Variants in KIF26B observed in about 807,000 individuals in gnomAD.
KIF26B encodes the protein kinesin family member 26B, also known as kinesin-like protein KIF26B.
KIF26B carries 63 observed loss-of-function variants against 151.2 expected under a neutral mutation model. The observed-to-expected ratio is 0.42, with a 90% CI of 0.34 to 0.51. The LOEUF (loss-of-function observed/expected upper bound fraction) is 0.51. Ranked by LOEUF, KIF26B falls within the 20% of genes least tolerant of loss-of-function variation. The pLI is 0.07. For missense variants in KIF26B, 2,813 were observed against 2,913.6 expected (o/e 0.97, Z 0.79); for synonymous variants, 1,357 against 1,262.1 (o/e 1.08, Z -1.59).
At chr1:245,469,432 A>AT (rs1443847320) in intron 4 of KIF26B, among the ~76,000 whole-genome samples, 1 of 152,248 alleles carries the variant, frequency 6.6e-6, no homozygotes, top group Non-Finnish European at 1.5e-5. Context: ...ATTATAAAAA[A>AT]AGATGGGGGT....
At chr1:245,480,865 C>T (rs976520493) in intron 4 of KIF26B, among the ~76,000 whole-genome samples, 1 of 151,242 alleles carries the variant, frequency 6.6e-6, no homozygotes, top group African/African-American at 2.4e-5. Context: ...GTGAAAGGGA[C>T]CACAGAGGTC....
Position 245,520,596 on chromosome 1 carries a change from CCAT to C in KIF26B, c.1167-20169_1167-20167del, listed in dbSNP as rs1558197311. On this transcript the variant is annotated intron_variant, in intron 4 of 14. Transcript: ENST00000407071. Reference sequence around the variant, plus strand: ...TCCATCCATCCATCCATCCATCCATCCATCCACCCACCCACCCATCCATCCATC... The same window carrying C: ...TCCATCCATCCATCCATCCATCCATCCCACCCACCCACCCATCCATCCATC... Among the ~76,000 whole-genome samples the C allele has an allele frequency of 8.3e-3, 1,018 of 122,076 alleles. 9 individuals carry two copies. Among genetic ancestry groups the C allele is most frequent in the Non-Finnish European group, 0.011 (609 of 56,416 alleles). The allele number at this position is 122,076 out of a possible 152,430, so 80.1% of individuals were successfully genotyped here. A position where few individuals can be genotyped will look rare whatever the true frequency, so the allele number is the denominator to read the frequency against.
At chr1:245,159,340 A>G (rs1429068235) in intron 2 of KIF26B, among the ~76,000 whole-genome samples, 1 of 152,216 alleles carries the variant, frequency 6.6e-6, no homozygotes, top group Non-Finnish European at 1.5e-5. Flanking sequence ...AGGAACCTTA[A>G]TATTTTAGGA....
chr1:245,565,806 C>G (rs1327463034), intron 5 of KIF26B, among the ~76,000 whole-genome samples: 3 of 152,132 alleles, frequency 2.0e-5, no homozygotes, highest in South Asian at 2.1e-4. Context: ...ATACCTAAGG[C>G]TGGGTAATTT....
At chr1:245,309,262 C>T (rs1256222935) in intron 2 of KIF26B, among the ~76,000 whole-genome samples, 1 of 152,062 alleles carries the variant, frequency 6.6e-6, no homozygotes, top group African/African-American at 2.4e-5. Flanking sequence ...CCGCGGGATG[C>T]CCAGATATTT....
chr1:245,290,878 C>T lies in KIF26B; in HGVS notation c.466-75956C>T, dbSNP rs536219918. The stretch of plus-strand genomic sequence containing the variant: ...TGTCTTAAAACAGCAGCTATTTAGC[C>T]ATGATTCTGCAGACTAGCAGTTTAG... On this transcript the variant is annotated intron_variant, in intron 2 of 14. Transcript: ENST00000407071. Among the ~76,000 whole-genome samples the T allele has an allele frequency of 3.9e-5, 6 of 152,360 alleles. No individual in the cohort carries two copies. In the South Asian group the frequency reaches 8.3e-4, roughly 21 times the overall value.
At chr1:245,160,005 G>A (rs1191562118) in intron 2 of KIF26B, among the ~76,000 whole-genome samples, 1 of 152,230 alleles carries the variant, frequency 6.6e-6, no homozygotes, top group Admixed American at 6.5e-5. Flanking sequence ...TTTCCATGCA[G>A]CGAGTCTGAG....
intron 2 of KIF26B, among the ~76,000 whole-genome samples, chr1:245,303,556 A>G (rs1453344715): frequency 6.6e-6 from 1 of 152,208 alleles, no homozygotes; most frequent in Non-Finnish European, 1.5e-5. Context: ...ATCAACTTAC[A>G]TGATTTATTC....
chr1:245,675,785 G>T (rs1289028571), intron 10 of KIF26B, among the ~76,000 whole-genome samples: 1 of 152,104 alleles, frequency 6.6e-6, no homozygotes, highest in Non-Finnish European at 1.5e-5. Flanking sequence ...CATGATAGAA[G>T]CACATGATAA....
chr1:245,575,116 C>T lies in KIF26B; in HGVS notation c.1351-27461C>T, dbSNP rs1406168729. On this transcript the variant is annotated intron_variant, in intron 5 of 14. Coordinates refer to ENST00000407071, the MANE Select transcript of KIF26B (RefSeq NM_018012.4). ...TCCTGACCTTGTGATCCACCCGCCT[C>T]GGCCTCCCAAAGTACTGGGATTACA... Among the ~76,000 whole-genome samples the T allele has an allele frequency of 1.3e-3, 195 of 151,518 alleles. 3 individuals carry two copies. The highest frequency in any genetic ancestry group is 4.4e-3 in the African/African-American group (184 of 41,424).
chr1:245,487,822 C>T (rs1417227983), intron 4 of KIF26B, among the ~76,000 whole-genome samples: 1 of 145,060 alleles, frequency 6.9e-6, no homozygotes, highest in Non-Finnish European at 1.5e-5. Context: ...ATTTGCATTT[C>T]AGACGCGCCA....
chr1:245,596,255 T>C (rs1481654474), intron 5 of KIF26B, among the ~76,000 whole-genome samples: 4 of 152,214 alleles, frequency 2.6e-5, no homozygotes, highest in Non-Finnish European at 5.9e-5. Flanking sequence ...GATGTTAGGG[T>C]GTCGATTTTA....
chr1:245,368,447 G>C (rs1316895647), intron 3 of KIF26B, among the ~76,000 whole-genome samples: 1 of 152,166 alleles, frequency 6.6e-6, no homozygotes, highest in Non-Finnish European at 1.5e-5. Context: ...CCACGGTCAA[G>C]GGTGTATTAC....
chr1:245,484,502 A>G (rs560319014), intron 4 of KIF26B, among the ~76,000 whole-genome samples: 11 of 151,616 alleles, frequency 7.3e-5, no homozygotes, highest in African/African-American at 2.7e-4. Flanking sequence ...CAGGCACTCC[A>G]CTCGTCCATG....
rs140694251 is a variant in KIF26B, at chr1:245,359,064, G to A, written c.466-7770G>A. ...GATGGAGTCACGCTCTGTTGCTCAG[G>A]CTGGAGTGCAGTGGCGCAGTCTCGG... On this transcript the variant is annotated intron_variant, in intron 2 of 14. Transcript: ENST00000407071. 2.5e-3 allele frequency among the ~76,000 whole-genome samples: 382 copies of A among 152,020 alleles called. 1 individual carries two copies. The highest frequency in any genetic ancestry group is 8.8e-3 in the African/African-American group (363 of 41,458).
chr1:245,197,317 T>C (rs1669213117), intron 2 of KIF26B, among the ~76,000 whole-genome samples: 1 of 152,198 alleles, frequency 6.6e-6, no homozygotes, highest in Admixed American at 6.5e-5. Flanking sequence ...TAAACCTCTT[T>C]ATTATCCTTC....
At position 245,698,040 on chromosome 1, in the gene KIF26B, T is replaced by C; in HGVS notation, c.5825-66T>C. 6 of 1,459,832 alleles carry C rather than the reference T, an allele frequency of 4.1e-6. No homozygotes were observed. The highest frequency in any genetic ancestry group is 4.7e-6 in the Non-Finnish European group (5 of 1,074,782). 90.4% of individuals were successfully genotyped at this position (1,459,832 alleles called of 1,614,324 possible). On this transcript the variant is annotated intron_variant, in intron 12 of 14. Coordinates refer to ENST00000407071, the MANE Select transcript of KIF26B (RefSeq NM_018012.4). This position sits in a 1 kb window ranked among gnomAD's most constrained non-coding sequence, Gnocchi z 4.0. Reference sequence around the variant, plus strand: ...CTGGGCAACAGAGCAAGACCCTGTCTCAAAAAAACAACAAAAAAATTGAAA... The same window carrying C: ...CTGGGCAACAGAGCAAGACCCTGTCCCAAAAAAACAACAAAAAAATTGAAA...
intron 2 of KIF26B, among the ~76,000 whole-genome samples, chr1:245,331,766 C>G (rs183463290): frequency 6.6e-6 from 1 of 152,130 alleles, no homozygotes; most frequent in African/African-American, 2.4e-5. Flanking sequence ...AATGTGATAG[C>G]GTACACTTCT....
chr1:245,479,536 G>C (rs1372635951), intron 4 of KIF26B, among the ~76,000 whole-genome samples: 1 of 151,804 alleles, frequency 6.6e-6, no homozygotes, highest in Non-Finnish European at 1.5e-5. Context: ...TGATCAGTGT[G>C]TAAAGGAGGA....
Sources: allele counts gnomAD v4.1 joint callset (sites outside exome capture counted in the v4.1 genomes callset), GRCh38; gene constraint gnomAD v4.1.1; non-coding constraint Gnocchi (gnomAD v3.1); transcripts MANE v1.5; gene names NCBI Gene and HGNC (gene_info 2026-07-23, HGNC 2026-07-21).